C4orf50: variants seen among roughly 807,000 people sequenced by gnomAD.
C4orf50 encodes uncharacterized protein C4orf50.
Under a neutral mutation model 77.2 loss-of-function variants are expected in C4orf50, and 80 were observed. The ratio of observed to expected loss-of-function variants is 1.04; its 90% CI spans 0.87 to 1.25. C4orf50 has a LOEUF of 1.25. Among genes scored for constraint, C4orf50 ranks in the 50% most tolerant of loss-of-function variants. C4orf50 has a pLI of 0.00. For synonymous variants in C4orf50, 532 were observed against 465.3 expected (o/e 1.14, Z -1.84); for missense variants, 1,257 against 1,152.9 (o/e 1.09, Z -1.31).
intron 30 of C4orf50, among the ~76,000 whole-genome samples, chr4:5,974,223 G>A (rs1387140674): frequency 6.6e-6 from 1 of 152,196 alleles, no homozygotes; most frequent in African/African-American, 2.4e-5. Context: ...GGCGCAGGCA[G>A]GCACCTACCG....
At chr4:5,955,378 C>T (rs1415083812), downstream of C4orf50, among the ~76,000 whole-genome samples, 2 of 152,064 alleles carry the variant, frequency 1.3e-5, no homozygotes, top group Non-Finnish European at 2.9e-5. This position sits in a 1 kb window ranked among gnomAD's most constrained non-coding sequence, Gnocchi z 5.1. Context: ...GGGTCACCTG[C>T]CTCCAGCGTT....
rs150770625 is a variant in C4orf50, at chr4:6,017,427, C to T, written c.287+718G>A. Among the ~76,000 whole-genome samples the T allele has an allele frequency of 6.6e-5, 10 of 152,336 alleles. No homozygotes were observed. In the East Asian group the frequency reaches 1.5e-3, roughly 24 times the overall value. ...GGAACAAGAGTGACTTTATTTTAAACGCTAATCCAGCAGGTGACTCTTGAC... is the reference window on the plus strand; with the variant it reads ...GGAACAAGAGTGACTTTATTTTAAATGCTAATCCAGCAGGTGACTCTTGAC... On this transcript the variant is annotated intron_variant, in intron 23 of 33. Coordinates refer to ENST00000531445, the Ensembl canonical transcript of C4orf50. This position sits in a 1 kb window ranked among gnomAD's most constrained non-coding sequence, Gnocchi z 4.7.
intron 25 of C4orf50, among the ~76,000 whole-genome samples, chr4:6,006,972 G>A (rs1560601144): frequency 6.6e-6 from 1 of 152,234 alleles, no homozygotes; most frequent in Non-Finnish European, 1.5e-5. Context: ...GCTTCCAGAG[G>A]AGAGGGACTG....
At chr4:5,950,393 G>C (rs550505834) in intron 7 of C4orf50, among the ~76,000 whole-genome samples, 1 of 152,212 alleles carries the variant, frequency 6.6e-6, no homozygotes, top group Non-Finnish European at 1.5e-5. Context: ...AGAGAAGGGG[G>C]TGGTGTAGAA....
At chr4:5,948,561 C>T (rs1363670020) in intron 7 of C4orf50, among the ~76,000 whole-genome samples, 1 of 152,146 alleles carries the variant, frequency 6.6e-6, no homozygotes, top group Admixed American at 6.5e-5. Flanking sequence ...CTTTGGGAGG[C>T]CGAGGCAGGC....
intron 29 of C4orf50, among the ~76,000 whole-genome samples, chr4:5,976,382 G>A (rs1720286986): frequency 6.6e-6 from 1 of 150,590 alleles, no homozygotes; most frequent in Non-Finnish European, 1.5e-5. Context: ...CGTAAACCCA[G>A]GAGGCGGAGC....
intron 23 of C4orf50, among the ~76,000 whole-genome samples, chr4:6,013,286 C>T (rs1722556396): frequency 6.6e-6 from 1 of 152,186 alleles, no homozygotes; most frequent in Non-Finnish European, 1.5e-5. Context: ...AACTGGACCA[C>T]AGGAGCAGCT....
intron 27 of C4orf50, among the ~76,000 whole-genome samples, chr4:5,991,251 T>G (rs1451326576): frequency 6.6e-6 from 1 of 152,206 alleles, no homozygotes; most frequent in East Asian, 1.9e-4. Context: ...ATAGGCCACA[T>G]GGAGCTCCTA....
chr4:5,978,622 G>A (rs769258182), intron 29 of C4orf50, among the ~76,000 whole-genome samples: 4 of 152,200 alleles, frequency 2.6e-5, no homozygotes, highest in South Asian at 2.1e-4. Flanking sequence ...CACGGTGAAC[G>A]AGACACACTC....
intron 7 of C4orf50, among the ~76,000 whole-genome samples, chr4:5,917,207 G>A (rs777990346): frequency 1.1e-4 from 17 of 152,154 alleles, no homozygotes; most frequent in Non-Finnish European, 1.8e-4. Flanking sequence ...AATCTGAGAA[G>A]GTGAGCTCAT....
At chr4:5,982,105 G>C (rs538308364) in intron 28 of C4orf50, among the ~76,000 whole-genome samples, 40 of 152,220 alleles carry the variant, frequency 2.6e-4, no homozygotes, top group African/African-American at 9.4e-4. Flanking sequence ...GCACGGGCTG[G>C]GCCGTGTTAA....
rs1485934661 is a variant in C4orf50, at chr4:6,008,060, G to A, written c.899C>T (p.Ala300Val). 1.0e-5 allele frequency: 4 copies of A among 399,176 alleles called. No homozygotes were observed. Among genetic ancestry groups the A allele is most frequent in the Non-Finnish European group, 1.3e-5 (3 of 226,282 alleles). The allele number at this position is 399,176 out of a possible 1,614,324, so 24.7% of individuals were successfully genotyped here. The change falls in exon 25 of 34, where the codon GCC (alanine) becomes GTC (valine). Residue 300 changes from alanine (A) to valine (V), a missense_variant. Ala to Val is a moderately conservative substitution (Grantham distance 64, BLOSUM62 0). Transcript: ENST00000531445. This position sits in a 1 kb window ranked among gnomAD's most constrained non-coding sequence, Gnocchi z 6.0. ...CTCTCGCAGGCACTGGTTTTGCTGG[G>A]CGAGGTCCTCCACCTGGCCCTGCAG...
chr4:5,959,307 CT>C, exon 34 of C4orf50: 2 of 1,520,742 alleles, frequency 1.3e-6, no homozygotes, highest in African/African-American at 2.8e-5. Context: ...TCTTAAAGCA[CT>C]CTCTGAAGGT....
intron 7 of C4orf50, among the ~76,000 whole-genome samples, chr4:5,943,231 T>C (rs1290760954): frequency 6.6e-6 from 1 of 152,222 alleles, no homozygotes; most frequent in African/African-American, 2.4e-5. Flanking sequence ...AGGCTTCTTC[T>C]TAAAGTGATC....
At chr4:5,927,816 C>T (rs1309579868) in intron 7 of C4orf50, among the ~76,000 whole-genome samples, 1 of 152,156 alleles carries the variant, frequency 6.6e-6, no homozygotes, top group East Asian at 1.9e-4. Flanking sequence ...AGTGTGAGAA[C>T]AGACTAATAC....
At chr4:5,946,196 C>T (rs1718474480) in intron 7 of C4orf50, among the ~76,000 whole-genome samples, 1 of 152,148 alleles carries the variant, frequency 6.6e-6, no homozygotes, top group East Asian at 1.9e-4. Flanking sequence ...GCAGGACACA[C>T]CCTCTGCTTC....
intron 25 of C4orf50, among the ~76,000 whole-genome samples, chr4:5,995,448 C>T (rs928782096): frequency 1.3e-5 from 2 of 149,174 alleles, no homozygotes; most frequent in African/African-American, 5.0e-5. Context: ...TTCCTCCCTG[C>T]CACAGGGGAG....
downstream of C4orf50, among the ~76,000 whole-genome samples, chr4:5,954,587 C>T (rs1718868627): frequency 1.3e-5 from 2 of 152,096 alleles, no homozygotes; most frequent in East Asian, 3.9e-4. The surrounding 1 kb of genome is among the most constrained non-coding windows in gnomAD (Gnocchi z 4.7). Flanking sequence ...TAGGCCTCCA[C>T]GGCAGGCAGC....
intron 32 of C4orf50, 106 bp from the exon 11 acceptor site, chr4:5,965,251 G>C (rs1016204536): frequency 3.3e-6 from 4 of 1,221,556 alleles, no homozygotes; most frequent in Non-Finnish European, 4.5e-6. Context: ...GCCATTCCCA[G>C]ATCATTCCCA....
Sources: allele counts gnomAD v4.1 joint callset (sites outside exome capture counted in the v4.1 genomes callset), GRCh38; gene constraint gnomAD v4.1.1; non-coding constraint Gnocchi (gnomAD v3.1); transcripts MANE v1.5; gene names NCBI Gene and HGNC (gene_info 2026-07-23, HGNC 2026-07-21).